ASAP1: variants seen among roughly 807,000 people sequenced by gnomAD.
ASAP1 encodes the protein ArfGAP with SH3 domain, ankyrin repeat and PH domain 1.
In ASAP1, 43 loss-of-function variants were observed where a neutral mutation model predicts 145.2. That is an observed-to-expected ratio of 0.30 (90% confidence interval 0.23 to 0.38). The LOEUF (loss-of-function observed/expected upper bound fraction) is 0.38. Ranked by LOEUF, ASAP1 falls within the 10% of genes least tolerant of loss-of-function variation. ASAP1 has a pLI of 1.00. For synonymous variants in ASAP1, 546 were observed against 515.5 expected (o/e 1.06, Z -0.80); for missense variants, 1,018 against 1,355.3 (o/e 0.75, Z 3.91).
At chr8:130,062,821 A>T (rs983938433) in intron 27 of ASAP1, among the ~76,000 whole-genome samples, 1 of 152,182 alleles carries the variant, frequency 6.6e-6, no homozygotes, top group African/African-American at 2.4e-5. Context: ...ACAATAAATA[A>T]AAATTAGCCA....
chr8:130,339,741 T>C (rs1825261841), intron 3 of ASAP1, among the ~76,000 whole-genome samples: 1 of 152,202 alleles, frequency 6.6e-6, no homozygotes. Context: ...CAGTTGGCAG[T>C]GGCTGTAAAC....
chr8:130,151,429 A>G (rs987866155), intron 13 of ASAP1, among the ~76,000 whole-genome samples: 2 of 148,934 alleles, frequency 1.3e-5, no homozygotes, highest in Non-Finnish European at 3.0e-5. Context: ...GAAGAAATGA[A>G]TAACTGTTAG....
intron 1 of ASAP1, among the ~76,000 whole-genome samples, chr8:130,421,174 A>G (rs1048618088): frequency 2.6e-5 from 4 of 152,190 alleles, no homozygotes; most frequent in Non-Finnish European, 5.9e-5. Context: ...AGTGTTCTGC[A>G]TACGCTGGGT....
At chr8:130,382,801 C>T (rs1283519278) in intron 2 of ASAP1, among the ~76,000 whole-genome samples, 5 of 151,572 alleles carry the variant, frequency 3.3e-5, no homozygotes, top group South Asian at 2.1e-4. Context: ...GCTGAGATTG[C>T]GCACCACTGC....
chr8:130,183,431 C>G (rs1014231043), intron 7 of ASAP1, among the ~76,000 whole-genome samples: 2 of 152,066 alleles, frequency 1.3e-5, no homozygotes, highest in Non-Finnish European at 2.9e-5. Flanking sequence ...ACCTCTGCCT[C>G]CTGGGTTCAA....
intron 4 of ASAP1, among the ~76,000 whole-genome samples, chr8:130,235,995 C>G (rs915098041): frequency 6.6e-6 from 1 of 151,830 alleles, no homozygotes; most frequent in African/African-American, 2.4e-5. Flanking sequence ...ACTATCCTCA[C>G]GTTACAGAAG....
chr8:130,381,812 C>T (rs1325403127), intron 2 of ASAP1, among the ~76,000 whole-genome samples: 2 of 152,186 alleles, frequency 1.3e-5, no homozygotes, highest in Non-Finnish European at 2.9e-5. Flanking sequence ...GGCCTTTGCA[C>T]GTGCTGTTCC....
intron 2 of ASAP1, chr8:130,361,816 ATTTC>A: frequency 2.1e-6 from 3 of 1,398,496 alleles, no homozygotes; most frequent in Non-Finnish European, 2.0e-6. Context: ...TAAATGCTGG[ATTTC>A]TTTGTGTGGA....
chr8:130,202,264 C>T (rs377327163), intron 5 of ASAP1, among the ~76,000 whole-genome samples: 2 of 152,146 alleles, frequency 1.3e-5, no homozygotes, highest in Non-Finnish European at 2.9e-5. Flanking sequence ...ATTTGTGATG[C>T]CAGCTGCTGC....
intron 3 of ASAP1, among the ~76,000 whole-genome samples, chr8:130,250,408 ATG>A (rs986501200): frequency 6.6e-6 from 1 of 152,180 alleles, no homozygotes; most frequent in African/African-American, 2.4e-5. Flanking sequence ...ACTAAAAAAC[ATG>A]TTTTATTCTA....
chr8:130,340,338 A>G (rs968526977), intron 3 of ASAP1, among the ~76,000 whole-genome samples: 4 of 152,164 alleles, frequency 2.6e-5, no homozygotes, highest in Non-Finnish European at 4.4e-5. Flanking sequence ...TAGCCTACAA[A>G]ACAGTCAAAC....
chr8:130,137,308 G>GA (rs200526599), intron 13 of ASAP1, among the ~76,000 whole-genome samples: 17 of 151,168 alleles, frequency 1.1e-4, no homozygotes, highest in South Asian at 2.1e-4. Context: ...ATTAAAGATG[G>GA]AAAAAAAAAT....
At chr8:130,190,321 A>G (rs1815052919) in intron 5 of ASAP1, among the ~76,000 whole-genome samples, 1 of 152,052 alleles carries the variant, frequency 6.6e-6, no homozygotes, top group Admixed American at 6.5e-5. Flanking sequence ...TTTGGATTTG[A>G]TTTTTGTATA....
chr8:130,401,816 T>A (rs139084992), intron 2 of ASAP1, 69 bp downstream of exon 2: 2 of 1,471,240 alleles, frequency 1.4e-6, no homozygotes, highest in African/African-American at 1.4e-5. Context: ...GCATTTCAAC[T>A]CCCAAGAAGA....
At chr8:130,164,213 T>C (rs764189632) in intron 11 of ASAP1, among the ~76,000 whole-genome samples, 1 of 152,132 alleles carries the variant, frequency 6.6e-6, no homozygotes, top group East Asian at 1.9e-4. Flanking sequence ...TTTAAAAGAG[T>C]CCATAAGTGA....
Position 130,236,904 on chromosome 8 carries a change from T to G in ASAP1, c.259+18A>C. ...ATTATTTATAATTCATGTTACCTCA[T>G]TTTTAGTAAGTGCTTACCTTGACCA... On this transcript the variant is annotated intron_variant, in intron 4 of 29. Coordinates refer to ENST00000518721, the MANE Select transcript of ASAP1 (RefSeq NM_018482.4). The G allele has an allele frequency of 3.3e-6, 5 of 1,512,328 alleles. No individual in the cohort carries two copies. In the South Asian group the frequency reaches 4.9e-5, roughly 15 times the overall value. The allele number at this position is 1,512,328 out of a possible 1,614,324, so 93.7% of individuals were successfully genotyped here. A position where few individuals can be genotyped will look rare whatever the true frequency, so the allele number is the denominator to read the frequency against.
At chr8:130,133,245 G>A (rs1017784648) in intron 15 of ASAP1, among the ~76,000 whole-genome samples, 3 of 152,188 alleles carry the variant, frequency 2.0e-5, no homozygotes, top group African/African-American at 7.2e-5. Flanking sequence ...GCCTTTTTCC[G>A]TCTAGACAGG....
chr8:130,070,641 A>T (rs1255111177), intron 27 of ASAP1, among the ~76,000 whole-genome samples: 1 of 151,730 alleles, frequency 6.6e-6, no homozygotes, highest in Non-Finnish European at 1.5e-5. Context: ...CTTGCTATGA[A>T]ATGTTAGTTG....
At chr8:130,299,223 G>C (rs1822472845) in intron 3 of ASAP1, among the ~76,000 whole-genome samples, 1 of 152,192 alleles carries the variant, frequency 6.6e-6, no homozygotes, top group Non-Finnish European at 1.5e-5. Flanking sequence ...TCAAGGGCAA[G>C]CTGTGCCCTG....
Sources: gnomAD v4.1 joint callset for allele counts (sites outside exome capture counted in the v4.1 genomes callset) on GRCh38, gnomAD v4.1.1 for gene constraint, MANE v1.5 for transcripts, NCBI Gene and HGNC (gene_info 2026-07-23, HGNC 2026-07-21) for gene names.